SAMMSON: variants seen among roughly 807,000 people sequenced by gnomAD.
The protein encoded by SAMMSON is survival associated mitochondrial melanoma specific oncogenic non-coding RNA.
At chr3:70,324,797 C>CA (rs1702567031) in intron 7 of SAMMSON, among the ~76,000 whole-genome samples, 1 of 151,786 alleles carries the variant, frequency 6.6e-6, no homozygotes, top group African/African-American at 2.4e-5. Flanking sequence ...CCTGACATAA[C>CA]AAAAGCACAG....
intron 4 of SAMMSON, chr3:70,072,583 T>C (rs2067234079): frequency 6.7e-6 from 1 of 149,318 alleles, no homozygotes; most frequent in Non-Finnish European, 1.5e-5. Context: ...AAATTGCTGT[T>C]TTAGCCCCCA....
intron 7 of SAMMSON, among the ~76,000 whole-genome samples, chr3:70,351,884 G>A (rs1702797350): frequency 6.6e-6 from 1 of 151,976 alleles, no homozygotes; most frequent in African/African-American, 2.4e-5. Flanking sequence ...CCTCCTCACT[G>A]ATTAGGTTCG....
At chr3:70,044,996 ATAAT>A (rs1420440651) in intron 3 of SAMMSON, among the ~76,000 whole-genome samples, 3 of 130,840 alleles carry the variant, frequency 2.3e-5, no homozygotes, top group Non-Finnish European at 4.7e-5. Context: ...CTTTAATTAT[ATAAT>A]TAATTATATA....
At chr3:70,284,943 C>G (rs989800023) in intron 6 of SAMMSON, among the ~76,000 whole-genome samples, 1 of 152,130 alleles carries the variant, frequency 6.6e-6, no homozygotes, top group African/African-American at 2.4e-5. Context: ...GTAACTGATT[C>G]ATGTGCTTTT....
intron 3 of SAMMSON, among the ~76,000 whole-genome samples, chr3:70,028,186 C>CCTTCCTTCCTTT (rs1491431567): frequency 7.7e-5 from 8 of 103,872 alleles, no homozygotes; most frequent in African/African-American, 2.6e-4. Flanking sequence ...TTCCTTCCTT[C>CCTTCCTTCCTTT]CTTTCTTTCT....
intron 6 of SAMMSON, among the ~76,000 whole-genome samples, chr3:70,266,524 G>C (rs73102610): frequency 0.064 from 9,724 of 152,098 alleles, 363 homozygotes; most frequent in South Asian, 0.12. Flanking sequence ...AGGCTCAAGT[G>C]ATCCAGAGTC....
intron 4 of SAMMSON, among the ~76,000 whole-genome samples, chr3:70,076,041 C>T (rs888085685): frequency 2.6e-5 from 4 of 151,892 alleles, no homozygotes; most frequent in African/African-American, 4.8e-5. Context: ...TGAGCAAATT[C>T]GGAGAGTTTA....
intron 4 of SAMMSON, among the ~76,000 whole-genome samples, chr3:70,083,209 C>T (rs953619365): frequency 2.1e-4 from 32 of 152,080 alleles, no homozygotes; most frequent in Admixed American, 4.6e-4. Context: ...CAGAATTGGC[C>T]GTCTTGAAAG....
intron 4 of SAMMSON, among the ~76,000 whole-genome samples, chr3:70,095,080 G>GT (rs2067318705): frequency 6.6e-6 from 1 of 152,172 alleles, no homozygotes; most frequent in Non-Finnish European, 1.5e-5. Flanking sequence ...GCTTTGGCTA[G>GT]TAAGCGTCAT....
chr3:70,194,802 C>T (rs1701160389), intron 4 of SAMMSON, among the ~76,000 whole-genome samples: 1 of 152,118 alleles, frequency 6.6e-6, no homozygotes, highest in Non-Finnish European at 1.5e-5. Flanking sequence ...GGCATGGCCT[C>T]ACCAATGATA....
chr3:70,394,980 T>G (rs1467489689), intron 2 of SAMMSON, among the ~76,000 whole-genome samples: 1 of 152,212 alleles, frequency 6.6e-6, no homozygotes. Context: ...TTAAAATATT[T>G]TTTATCTTGA....
chr3:70,050,994 G>A (rs2067143669), intron 3 of SAMMSON, among the ~76,000 whole-genome samples: 1 of 151,602 alleles, frequency 6.6e-6, no homozygotes, highest in Non-Finnish European at 1.5e-5. Context: ...AAATTAGCCA[G>A]GCATGGTGGC....
chr3:70,143,595 G>T (rs1431065528), intron 4 of SAMMSON, among the ~76,000 whole-genome samples: 1 of 152,122 alleles, frequency 6.6e-6, no homozygotes, highest in African/African-American at 2.4e-5. Context: ...GCCAATGGGG[G>T]TTTCCAGCAG....
At chr3:70,385,557 A>G (rs907029392) in intron 9 of SAMMSON, among the ~76,000 whole-genome samples, 1 of 152,074 alleles carries the variant, frequency 6.6e-6, no homozygotes, top group African/African-American at 2.4e-5. Context: ...GGGGGCACCA[A>G]GAATATTACC....
intron 2 of SAMMSON, among the ~76,000 whole-genome samples, chr3:70,432,046 G>A (rs1448148307): frequency 6.6e-6 from 1 of 151,888 alleles, no homozygotes; most frequent in Non-Finnish European, 1.5e-5. Flanking sequence ...GTAGGTCTTT[G>A]TATGAACATA....
At chr3:70,386,612 G>A (rs1321261851) in intron 9 of SAMMSON, among the ~76,000 whole-genome samples, 1 of 152,024 alleles carries the variant, frequency 6.6e-6, no homozygotes, top group Admixed American at 6.6e-5. Flanking sequence ...TGGAGGATTT[G>A]GAGGTGTCAG....
intron 3 of SAMMSON, among the ~76,000 whole-genome samples, chr3:70,036,172 G>A (rs1169912692): frequency 6.6e-6 from 1 of 152,092 alleles, no homozygotes; most frequent in African/African-American, 2.4e-5. Context: ...ATAAGGGAGA[G>A]AGGCCAATAG....
intron 2 of SAMMSON, among the ~76,000 whole-genome samples, chr3:70,424,014 A>G (rs1701334186): frequency 6.6e-6 from 1 of 152,202 alleles, no homozygotes; most frequent in Non-Finnish European, 1.5e-5. Context: ...GATAGAAGTT[A>G]AGTAGCAATC....
At chr3:70,132,096 C>T (rs192264195) in intron 4 of SAMMSON, among the ~76,000 whole-genome samples, 318 of 152,222 alleles carry the variant, frequency 2.1e-3, no homozygotes, top group South Asian at 4.2e-3. Context: ...ATATCCCCTC[C>T]CTCACTAAAC....
Sources: gnomAD v4.1 joint callset for allele counts (sites outside exome capture counted in the v4.1 genomes callset) on GRCh38, gnomAD v4.1.1 for gene constraint, MANE v1.5 for transcripts, NCBI Gene and HGNC (gene_info 2026-07-23, HGNC 2026-07-21) for gene names.